RBFOX1: variants seen among roughly 807,000 people sequenced by gnomAD.
RBFOX1 encodes RNA binding protein fox-1 homolog 1.
RBFOX1 carries 8 observed loss-of-function variants against 57.7 expected under a neutral mutation model. The observed-to-expected ratio is 0.14, with a 90% CI of 0.08 to 0.25. RBFOX1 has a LOEUF of 0.25. RBFOX1 is among the 10% of genes least tolerant of loss of function. The pLI is 1.00. For synonymous variants in RBFOX1, 326 were observed against 222.4 expected, an observed-to-expected ratio of 1.47 and a Z score of -4.15; for missense variants, 611 against 548.5, an observed-to-expected ratio of 1.11 and a Z score of -1.14.
At chr16:7,397,325 C>G (rs538900312) in intron 4 of RBFOX1, among the ~76,000 whole-genome samples, 2 of 152,158 alleles carry the variant, frequency 1.3e-5, no homozygotes, top group Non-Finnish European at 1.5e-5. Context: ...ATGCTATTCA[C>G]TTTGCAAGTG....
At chr16:7,709,690 A>G (rs2083616996) in intron 15 of RBFOX1, 1 of 1,298,782 alleles carries the variant, frequency 7.7e-7, no homozygotes, top group Non-Finnish European at 9.8e-7. Flanking sequence ...AAGTAGAAGG[A>G]ATCAGCTGGG....
rs377169344 is a variant in RBFOX1 at position 6,182,497 on chromosome 16, C to G, written c.-126-134498C>G. Among the ~76,000 whole-genome samples the G allele has an allele frequency of 2.0e-5, 3 of 152,176 alleles. No homozygotes were observed. The East Asian group carries it at 5.8e-4, about 29-fold the overall frequency. On this transcript the variant is annotated intron_variant, in intron 1 of 15. Transcript: ENST00000550418. ...TTTTTATTGTGTTTGCCAACACGCA[C>G]ATAGTCTTCATATGTCTACATTCTT...
chr16:6,342,273 C>T (rs989234283), intron 2 of RBFOX1, among the ~76,000 whole-genome samples: 1 of 152,062 alleles, frequency 6.6e-6, no homozygotes. Flanking sequence ...GTGGTCTGGA[C>T]TAGGATGGCA....
intron 4 of RBFOX1, among the ~76,000 whole-genome samples, chr16:7,141,017 C>G (rs1038847705): frequency 1.2e-4 from 18 of 152,164 alleles, no homozygotes; most frequent in Admixed American, 6.5e-5. Flanking sequence ...GAAGCCTCCT[C>G]CAGCTTTGCA....
intron 14 of RBFOX1, chr16:7,693,324 C>T: frequency 6.2e-7 from 1 of 1,612,860 alleles, no homozygotes. Flanking sequence ...GAAATCAGTT[C>T]GTCTTCGTTG....
chr16:7,303,769 C>T (rs2096092562), intron 4 of RBFOX1, among the ~76,000 whole-genome samples: 1 of 149,476 alleles, frequency 6.7e-6, no homozygotes, highest in Non-Finnish European at 1.5e-5. Context: ...CGCTCTCTCT[C>T]TCTCTCTCTC....
chr16:5,900,027 G>A (rs1322253828), intron 4 of RBFOX1, among the ~76,000 whole-genome samples: 2 of 152,162 alleles, frequency 1.3e-5, no homozygotes, highest in South Asian at 2.1e-4. Context: ...GCAGTGAGCC[G>A]AGATTGTGCC....
At chr16:5,246,347 A>T (rs1464721011) in intron 1 of RBFOX1, among the ~76,000 whole-genome samples, 3 of 152,220 alleles carry the variant, frequency 2.0e-5, no homozygotes, top group African/African-American at 7.2e-5. Context: ...TGAATTGACA[A>T]AAAGTATGTA....
chr16:6,928,447 C>T (rs1454415444), intron 3 of RBFOX1, among the ~76,000 whole-genome samples: 5 of 152,114 alleles, frequency 3.3e-5, no homozygotes, highest in Non-Finnish European at 5.9e-5. Flanking sequence ...GCCAAGAGCT[C>T]AGGACATGCT....
At chr16:6,690,144 C>G (rs1024188277) in intron 3 of RBFOX1, among the ~76,000 whole-genome samples, 34 of 152,050 alleles carry the variant, frequency 2.2e-4, no homozygotes, top group African/African-American at 8.2e-4. Context: ...ATTTCAGCCT[C>G]TAGCTTATAA....
chr16:6,526,773 C>G (rs953531946), intron 2 of RBFOX1, among the ~76,000 whole-genome samples: 1 of 128,850 alleles, frequency 7.8e-6, no homozygotes, highest in East Asian at 2.6e-4. Context: ...GAGCTTGCAG[C>G]GAGCCGAGAT....
chr16:7,269,140 A>G (rs1272793066), intron 4 of RBFOX1, among the ~76,000 whole-genome samples: 3 of 151,816 alleles, frequency 2.0e-5, no homozygotes, highest in Non-Finnish European at 4.4e-5. Flanking sequence ...AAAATATGAA[A>G]TATTAAAGAT....
chr16:7,481,948 G>T (rs1158262848), intron 4 of RBFOX1, among the ~76,000 whole-genome samples: 1 of 152,198 alleles, frequency 6.6e-6, no homozygotes, highest in East Asian at 1.9e-4. Context: ...GTGAAAAACA[G>T]TATGGTTATT....
chr16:7,033,497 G>A (rs1445006948), intron 3 of RBFOX1, among the ~76,000 whole-genome samples: 1 of 152,180 alleles, frequency 6.6e-6, no homozygotes, highest in Non-Finnish European at 1.5e-5. Flanking sequence ...TCCAGCCTAG[G>A]GGATAGAGGG....
chr16:6,328,823 C>A (rs1475867746), intron 2 of RBFOX1, among the ~76,000 whole-genome samples: 1 of 152,104 alleles, frequency 6.6e-6, no homozygotes, highest in Non-Finnish European at 1.5e-5. Flanking sequence ...GGGCAGTGAT[C>A]ATTTCAGCAA....
At chr16:6,588,685 TG>T (rs1260954083) in intron 2 of RBFOX1, among the ~76,000 whole-genome samples, 1 of 152,196 alleles carries the variant, frequency 6.6e-6, no homozygotes, top group African/African-American at 2.4e-5. Context: ...CCTTCCTCCC[TG>T]CATTTTTTGG....
intron 3 of RBFOX1, among the ~76,000 whole-genome samples, chr16:5,748,008 A>T (rs908610234): frequency 6.6e-6 from 1 of 152,118 alleles, no homozygotes; most frequent in Non-Finnish European, 1.5e-5. Context: ...TGTTGTGGGC[A>T]TTTAGTGCTA....
At chr16:6,895,418 ATGTGTGTG>A (rs139075559) in intron 3 of RBFOX1, among the ~76,000 whole-genome samples, 3,381 of 86,896 alleles carry the variant, frequency 0.039, 260 homozygotes, top group East Asian at 0.26. Context: ...TTAGTAATAT[ATGTGTGTG>A]TGTGTGTGTG....
rs556420756 is a variant in RBFOX1 at position 6,188,983 on chromosome 16, A to C, written c.-126-128012A>C. On this transcript the variant is annotated intron_variant, in intron 1 of 15. Coordinates refer to ENST00000550418, the MANE Select transcript of RBFOX1 (RefSeq NM_018723.4). The stretch of plus-strand genomic sequence containing the variant: ...TCCAAGTGCAGTGCAAGATGAAGCT[A>C]GTCAATTCTGAAATATTTGAACATG... Among the ~76,000 whole-genome samples, 6 of 152,320 alleles carry C rather than the reference A, an allele frequency of 3.9e-5. No individual in the cohort carries two copies. The East Asian group carries it at 1.2e-3, about 29-fold the overall frequency.
Sources: allele counts gnomAD v4.1 joint callset (sites outside exome capture counted in the v4.1 genomes callset), GRCh38; gene constraint gnomAD v4.1.1; transcripts MANE v1.5; gene names NCBI Gene and HGNC (gene_info 2026-07-23, HGNC 2026-07-21).